Variants in C1orf116 observed in about 807,000 individuals in gnomAD.
C1orf116 encodes the protein specifically androgen-regulated gene protein.
A neutral mutation model predicts 14.1 loss-of-function variants in C1orf116; 12 were observed. The ratio of observed to expected loss-of-function variants is 0.85; its 90% CI spans 0.54 to 1.38. C1orf116 has a LOEUF of 1.38. Among genes scored for constraint, C1orf116 ranks in the 40% most tolerant of loss-of-function variants. The pLI, the probability that C1orf116 is intolerant of heterozygous loss-of-function variation, is 0.00. For missense variants in C1orf116, 797 were observed against 747.0 expected, an observed-to-expected ratio of 1.07 and a Z score of -0.78; for synonymous variants, 296 against 299.0, an observed-to-expected ratio of 0.99 and a Z score of 0.10.
chr1:207,022,793 C>A lies in C1orf116; in HGVS notation c.971G>T (p.Arg324Leu). The change falls in exon 4 of 4, where the codon CGC becomes CTC. Residue 324 changes from arginine (R) to leucine (L), a missense_variant. Arg to Leu is a moderately radical substitution (Grantham distance 102). Coordinates refer to ENST00000359470, the MANE Select transcript of C1orf116 (RefSeq NM_023938.6). The part of the protein sequence containing the change: ...FHSDPQHWLS[R>L]HTEAAPGDSG... ...ATCTCCAGGGGCAGCCTCAGTGTGGCGGGACAGCCAGTGCTGGGGGTCACT... is the reference window on the plus strand; with the variant it reads ...ATCTCCAGGGGCAGCCTCAGTGTGGAGGGACAGCCAGTGCTGGGGGTCACT... 3 of 1,614,036 alleles carry A rather than the reference C, an allele frequency of 1.9e-6. No homozygotes were observed. The highest frequency in any genetic ancestry group is 4.5e-5 in the East Asian group (2 of 44,878).
rs202035591 is a variant in C1orf116, at chr1:207,025,104, G to T, written c.106-40C>A. 627 of 943,128 alleles carry T rather than the reference G, an allele frequency of 6.6e-4. 9 individuals carry two copies. In the African/African-American group the frequency reaches 9.7e-3, roughly 15 times the overall value. 58.4% of individuals were successfully genotyped at this position (943,128 alleles called of 1,614,324 possible). On this transcript the variant is annotated intron_variant, in intron 2 of 3. Transcript: ENST00000359470. ...GTTGGGGGCGGGGGCGGGGAGGCGG[G>T]GGGGAGGGCGAGAAGAAGAACAGGA...
chr1:207,025,426 A>G (rs766302101), intron 2 of C1orf116, among the ~76,000 whole-genome samples: 5 of 152,224 alleles, frequency 3.3e-5, no homozygotes, highest in African/African-American at 7.2e-5. Context: ...CCAAGTTTCA[A>G]TGTTTGACAG....
rs565527758 is a variant in C1orf116 at position 207,023,354 on chromosome 1, T to C, written c.410A>G (p.Asn137Ser). ...GTTCTGGCTTCTGGCAATGTGGATA[T>C]TCCTAGGGAGGCTGTAGGAGCCAGA... ...LRSGSYSLPRNIHIARSQNFR... is the reference protein window; with the variant it reads ...LRSGSYSLPRSIHIARSQNFR... The change falls in exon 4 of 4, where the codon AAT (asparagine) becomes AGT (serine). Residue 137 changes from asparagine to serine, a missense_variant. Transcript: ENST00000359470. 2 of 1,614,124 alleles carry C rather than the reference T, an allele frequency of 1.2e-6. No homozygotes were observed. Among genetic ancestry groups the C allele is most frequent in the East Asian group, 4.5e-5 (2 of 44,876 alleles).
At chr1:207,023,566 A>G in intron 3 of C1orf116, 86 bp from the exon 4 acceptor site, 1 of 1,471,734 alleles carries the variant, frequency 6.8e-7, no homozygotes, top group Admixed American at 2.5e-5. Flanking sequence ...GAAAGCAATG[A>G]CTTCCTGAAC....
At chr1:207,024,491 C>A (rs1681991476) in intron 3 of C1orf116, among the ~76,000 whole-genome samples, 1 of 152,220 alleles carries the variant, frequency 6.6e-6, no homozygotes, top group African/African-American at 2.4e-5. Context: ...CTCCTTATCT[C>A]TCCTACCCTT....
intron 1 of C1orf116, among the ~76,000 whole-genome samples, chr1:207,030,831 C>T (rs1682222204): frequency 1.3e-5 from 2 of 152,196 alleles, no homozygotes; most frequent in Non-Finnish European, 2.9e-5. Context: ...AAGAAATATG[C>T]AGCACCTATA....
intron 2 of C1orf116, among the ~76,000 whole-genome samples, chr1:207,027,068 C>T (rs1485619795): frequency 6.6e-6 from 1 of 152,184 alleles, no homozygotes; most frequent in Non-Finnish European, 1.5e-5. Flanking sequence ...GAACTTAAAT[C>T]TGTTTGGTTC....
In C1orf116 at chr1:207,020,122, A is replaced by G. The variant is rs1681791633; in HGVS notation, c.*1836T>C. 6.6e-6 allele frequency: 1 copy of G among 152,190 alleles called. No homozygotes were observed. The highest frequency in any genetic ancestry group is 1.5e-5 in the Non-Finnish European group (1 of 68,046). The allele number at this position is 152,190 out of a possible 1,614,324, so 9.4% of individuals were successfully genotyped here. A position where few individuals can be genotyped will look rare whatever the true frequency, so the allele number is the denominator to read the frequency against. ...CAGCTTTCTCTCTTTCTGGGGGTGTATAATAAGACATAACTTGGCCGGTTG... is the reference window on the plus strand; with the variant it reads ...CAGCTTTCTCTCTTTCTGGGGGTGTGTAATAAGACATAACTTGGCCGGTTG... On this transcript the variant is annotated 3_prime_UTR_variant, in exon 4 of 4. Coordinates refer to ENST00000359470, the MANE Select transcript of C1orf116 (RefSeq NM_023938.6).
In C1orf116 at chr1:207,022,738, C is replaced by T. The variant is rs1681925709; in HGVS notation, c.1026G>A (p.Glu342=). Residue 342 remains glutamate, a synonymous_variant, in exon 4 of 4, where the codon GAG becomes GAA. Coordinates refer to ENST00000359470, the MANE Select transcript of C1orf116 (RefSeq NM_023938.6). ...GAGCTTCTTTACGTGCTTTTCTCTG[C>T]TCTTGCAGTGAACAGGAGATCAGGC... is the stretch of plus-strand genomic sequence containing the variant. ...DSGLISCSLQ[E]QRKARKEALE... is the part of the protein sequence containing the mutation. 3.1e-6 allele frequency: 5 copies of T among 1,614,200 alleles called. No homozygotes were observed. Among genetic ancestry groups the T allele is most frequent in the African/African-American group, 1.3e-5 (1 of 75,058 alleles).
Position 207,022,240 on chromosome 1 carries a change from A to G in C1orf116, c.1524T>C (p.Ser508=). 6.2e-7 allele frequency: 1 copy of G among 1,613,968 alleles called. No homozygotes were observed. Among genetic ancestry groups the G allele is most frequent in the South Asian group, 1.1e-5 (1 of 91,044 alleles). The change falls in exon 4 of 4, where the codon TCT becomes TCC. Residue 508 remains serine (S), a synonymous_variant. Transcript: ENST00000359470. ...EKDASPKTST[S]LGKGSFLDKI... is the part of the protein sequence containing the mutation. ...TGTCCAAGAAGGAGCCCTTTCCCAG[A>G]GAAGTGCTGGTTTTGGGGCTGGCAT...
In C1orf116 at chr1:207,022,045, G is replaced by C. The variant is rs1681875295; in HGVS notation, c.1719C>G (p.Pro573=). ...GQSRDKLPRP[P]CVSVKISPKG... is the part of the protein sequence containing the mutation. ...TTGGGGAGATCTTGACACTGACACA[G>C]GGGGGGCGAGGAAGCTTGTCACGGC... The change falls in exon 4 of 4, where the codon CCC becomes CCG. Residue 573 remains proline, a synonymous_variant. Transcript: ENST00000359470. 6.2e-7 allele frequency: 1 copy of C among 1,600,288 alleles called. No individual in the cohort carries two copies. Among genetic ancestry groups the C allele is most frequent in the Non-Finnish European group, 8.5e-7 (1 of 1,173,764 alleles).
chr1:207,024,815 A>G, intron 3 of C1orf116, 72 bp downstream of exon 3: 2 of 1,543,510 alleles, frequency 1.3e-6, no homozygotes, highest in East Asian at 4.5e-5. Flanking sequence ...CAGGCGAGGT[A>G]GAAAGTGGCC....
chr1:207,022,382 T>C lies in C1orf116; in HGVS notation c.1382A>G (p.Glu461Gly). The C allele has an allele frequency of 6.2e-7, 1 of 1,614,176 alleles. No homozygotes were observed. Among genetic ancestry groups the C allele is most frequent in the Non-Finnish European group, 8.5e-7 (1 of 1,180,010 alleles). The change falls in exon 4 of 4, where the codon GAG becomes GGG. Residue 461 changes from glutamate (E) to glycine (G), a missense_variant. Glu to Gly is a moderately conservative substitution (Grantham distance 98, BLOSUM62 -2). Coordinates refer to ENST00000359470, the MANE Select transcript of C1orf116 (RefSeq NM_023938.6). ...GCTCTCCTGGAGAGTCAGCCCTGACTCTGGCTTCGGTGGAGTCAGGGCACT... is the reference window on the plus strand; with the variant it reads ...GCTCTCCTGGAGAGTCAGCCCTGACCCTGGCTTCGGTGGAGTCAGGGCACT... The part of the protein sequence containing the change: ...ANSALTPPKP[E>G]SGLTLQESNT...
At position 207,021,394 on chromosome 1, in the gene C1orf116, A is replaced by G. The variant is rs1334520306; in HGVS notation, c.*564T>C. 6.6e-6 allele frequency: 1 copy of G among 152,614 alleles called. No individual in the cohort carries two copies. The highest frequency in any genetic ancestry group is 2.4e-5 in the African/African-American group (1 of 41,434). The allele number at this position is 152,614 out of a possible 1,614,324, so 9.5% of individuals were successfully genotyped here. A position where few individuals can be genotyped will look rare whatever the true frequency, so the allele number is the denominator to read the frequency against. The stretch of plus-strand genomic sequence containing the variant: ...CTGAGAGGGCAGTGGGTGAAGAGAT[A>G]ACGAATCAGCTCCTCTTAGCCCAGG... On this transcript the variant is annotated 3_prime_UTR_variant, in exon 4 of 4. Coordinates refer to ENST00000359470, the MANE Select transcript of C1orf116 (RefSeq NM_023938.6).
chr1:207,027,440 C>G, intron 2 of C1orf116, 54 bp downstream of exon 2: 1 of 1,603,552 alleles, frequency 6.2e-7, no homozygotes, highest in Non-Finnish European at 8.5e-7. Flanking sequence ...CAGGGCAGGG[C>G]AGGGCAGGTG....
chr1:207,029,493 A>G (rs1171791448), intron 1 of C1orf116, among the ~76,000 whole-genome samples: 2 of 152,112 alleles, frequency 1.3e-5, no homozygotes, highest in African/African-American at 2.4e-5. Flanking sequence ...CATTCCTAAC[A>G]TTGTGTAGGG....
chr1:207,023,461 G>A lies in C1orf116; in HGVS notation c.303C>T (p.Ile101=). 1 of 1,612,296 alleles carries A rather than the reference G, an allele frequency of 6.2e-7. No individual in the cohort carries two copies. The highest frequency in any genetic ancestry group is 1.1e-5 in the South Asian group (1 of 90,886). ...TCCTTGGCGTTCGTCCTTGCTGAGT[G>A]ATGGTCTCCTCTGGACCTCCTGTGA... ...PTPRGGPEET[I]TQQGRTPRTV... Residue 101 remains isoleucine, a synonymous_variant, in exon 4 of 4, where the codon ATC becomes ATT. Transcript: ENST00000359470.
At chr1:207,025,664 A>G (rs929761889) in intron 2 of C1orf116, among the ~76,000 whole-genome samples, 1 of 152,242 alleles carries the variant, frequency 6.6e-6, no homozygotes, top group Non-Finnish European at 1.5e-5. Context: ...AGATAAATGT[A>G]CTAAATGATT....
rs1239765408 is a variant in C1orf116 at position 207,022,458 on chromosome 1, C to A, written c.1306G>T (p.Ala436Ser). Reference sequence around the variant, plus strand: ...GAAATTGGCATAGATTTGCTAGCTGCAACATTGCCTGGAGCTGGAGACTTC... The same window carrying A: ...GAAATTGGCATAGATTTGCTAGCTGAAACATTGCCTGGAGCTGGAGACTTC... ...PMKSPAPGNVAASKSMPISIP... is the reference protein window; with the variant it reads ...PMKSPAPGNVSASKSMPISIP... The change falls in exon 4 of 4, where the codon GCA (alanine) becomes TCA (serine). Residue 436 changes from alanine (A) to serine (S), a missense_variant. By Grantham distance (99) the Ala-to-Ser change is moderately conservative (BLOSUM62 1). Transcript: ENST00000359470. 9 of 1,614,198 alleles carry A rather than the reference C, an allele frequency of 5.6e-6. No individual in the cohort carries two copies. The highest frequency in any genetic ancestry group is 6.8e-6 in the Non-Finnish European group (8 of 1,180,026).
Sources: allele counts gnomAD v4.1 joint callset (sites outside exome capture counted in the v4.1 genomes callset), GRCh38; gene constraint gnomAD v4.1.1; transcripts MANE v1.5; gene names NCBI Gene and HGNC (gene_info 2026-07-23, HGNC 2026-07-21).